ME1: variants seen among roughly 807,000 people sequenced by gnomAD.
The protein encoded by ME1 is malic enzyme 1, also known as NADP-dependent malic enzyme.
Under a neutral mutation model 66.4 loss-of-function variants are expected in ME1, and 74 were observed. The observed-to-expected ratio is 1.11, with a 90% CI of 0.92 to 1.35. ME1 has a LOEUF of 1.35. Ranked by LOEUF, ME1 falls within the 40% of genes most tolerant of loss-of-function variation. The probability of loss-of-function intolerance (pLI) is 0.00; values close to 1 mark genes in which losing one functional copy is unlikely to be tolerated. For missense variants in ME1, 750 were observed against 694.1 expected (o/e 1.08, Z -0.90); for synonymous variants, 251 against 235.6 (o/e 1.07, Z -0.60).
chr6:83,223,218 A>G (rs1790125453), intron 12 of ME1, among the ~76,000 whole-genome samples: 1 of 152,200 alleles, frequency 6.6e-6, no homozygotes, highest in South Asian at 2.1e-4. Context: ...CAGTAGTGCA[A>G]TCGCAGCTCA....
At chr6:83,334,222 C>A (rs1369344919) in intron 5 of ME1, among the ~76,000 whole-genome samples, 1 of 148,388 alleles carries the variant, frequency 6.7e-6, no homozygotes, top group African/African-American at 2.5e-5. Flanking sequence ...CCTGGAAAAT[C>A]GGGTCACTCC....
chr6:83,395,910 T>G (rs1769723134), intron 3 of ME1, among the ~76,000 whole-genome samples: 1 of 151,602 alleles, frequency 6.6e-6, no homozygotes, highest in Non-Finnish European at 1.5e-5. Context: ...AATATCATCA[T>G]ATACATAGAA....
chr6:83,328,404 G>GT (rs1438712179), intron 5 of ME1, among the ~76,000 whole-genome samples: 2 of 152,098 alleles, frequency 1.3e-5, no homozygotes, highest in East Asian at 3.9e-4. Context: ...CATGGCACAT[G>GT]TATACCTATG....
At chr6:83,412,689 A>C (rs755184600) in intron 1 of ME1, among the ~76,000 whole-genome samples, 7 of 152,192 alleles carry the variant, frequency 4.6e-5, no homozygotes, top group Non-Finnish European at 1.0e-4. Context: ...ATTGATACAC[A>C]AAACATAGAT....
intron 1 of ME1, among the ~76,000 whole-genome samples, chr6:83,413,914 A>G (rs1770101286): frequency 6.6e-6 from 1 of 152,078 alleles, no homozygotes; most frequent in African/African-American, 2.4e-5. Context: ...TGCAACACCA[A>G]CCTGGGAAAC....
At chr6:83,298,960 T>G (rs1487965088) in intron 6 of ME1, among the ~76,000 whole-genome samples, 33 of 105,972 alleles carry the variant, frequency 3.1e-4, no homozygotes, top group African/African-American at 1.0e-3. Context: ...TTTTTTTTTT[T>G]TTTTTTTTTT....
intron 13 of ME1, among the ~76,000 whole-genome samples, chr6:83,213,908 G>A (rs1308468549): frequency 6.6e-6 from 1 of 151,460 alleles, no homozygotes; most frequent in Non-Finnish European, 1.5e-5. Context: ...AACAAACACA[G>A]GAAAAAAAAT....
At chr6:83,355,121 T>G (rs1768864421) in intron 3 of ME1, among the ~76,000 whole-genome samples, 1 of 152,196 alleles carries the variant, frequency 6.6e-6, no homozygotes, top group Non-Finnish European at 1.5e-5. Context: ...TTCTTTTGGA[T>G]CCCTGTCATA....
intron 13 of ME1, among the ~76,000 whole-genome samples, chr6:83,215,011 T>TA (rs1162015762): frequency 1.3e-5 from 2 of 152,216 alleles, no homozygotes; most frequent in Non-Finnish European, 2.9e-5. Context: ...CTTAAAATGA[T>TA]AATATGCTAT....
chr6:83,427,887 C>T lies in ME1; in HGVS notation c.78+2990G>A, dbSNP rs190397421. On this transcript the variant is annotated intron_variant, in intron 1 of 13. Transcript: ENST00000369705. ...ATTAGCTGGGCATAGTGGCACATGC[C>T]TGTAATCTCAGCTACTCAGGAGGCT... 4.3e-4 allele frequency among the ~76,000 whole-genome samples: 66 copies of T among 152,092 alleles called. 1 individual carries two copies. The highest frequency in any genetic ancestry group is 1.5e-3 in the African/African-American group (62 of 41,484).
intron 5 of ME1, among the ~76,000 whole-genome samples, chr6:83,321,461 G>T (rs909687168): frequency 6.6e-6 from 1 of 152,148 alleles, no homozygotes; most frequent in African/African-American, 2.4e-5. Context: ...CGAGCTTGGT[G>T]TGGGGAGGGA....
chr6:83,409,496 C>A (rs1459758581), intron 1 of ME1, among the ~76,000 whole-genome samples: 1 of 152,192 alleles, frequency 6.6e-6, no homozygotes, highest in Non-Finnish European at 1.5e-5. Flanking sequence ...ATAAACACGT[C>A]CAAACCCAGG....
intron 1 of ME1, among the ~76,000 whole-genome samples, chr6:83,422,239 G>A (rs911774766): frequency 6.6e-6 from 1 of 152,148 alleles, no homozygotes; most frequent in Admixed American, 6.5e-5. Flanking sequence ...CCACTGGGCG[G>A]TACACATAAT....
At chr6:83,301,247 C>CTCTT (rs70987747) in intron 6 of ME1, among the ~76,000 whole-genome samples, 72,889 of 150,420 alleles carry the variant, frequency 0.48, 19,386 homozygotes, top group African/African-American at 0.72. Flanking sequence ...TGCTTCCTTT[C>CTCTT]TCTTTCTTTC....
chr6:83,310,754 C>G (rs1767914922), intron 6 of ME1, among the ~76,000 whole-genome samples: 1 of 152,018 alleles, frequency 6.6e-6, no homozygotes, highest in Non-Finnish European at 1.5e-5. Flanking sequence ...GGAAAAAAAA[C>G]ACAAAAAGCT....
At chr6:83,291,952 T>G (rs1266774015) in intron 6 of ME1, among the ~76,000 whole-genome samples, 1 of 152,090 alleles carries the variant, frequency 6.6e-6, no homozygotes, top group Non-Finnish European at 1.5e-5. Flanking sequence ...GTTCTTGTAG[T>G]GTGCTTTCCA....
At chr6:83,350,189 C>T (rs1267035143) in intron 4 of ME1, among the ~76,000 whole-genome samples, 4 of 152,024 alleles carry the variant, frequency 2.6e-5, no homozygotes, top group Non-Finnish European at 5.9e-5. Context: ...CAATAGCTGC[C>T]GTTTACTAAG....
At chr6:83,427,616 G>A (rs145738070) in intron 1 of ME1, among the ~76,000 whole-genome samples, 1 of 152,088 alleles carries the variant, frequency 6.6e-6, no homozygotes, top group Non-Finnish European at 1.5e-5. Flanking sequence ...TAAAGACATG[G>A]CTCATTCATT....
chr6:83,344,356 T>C (rs1768646929), intron 5 of ME1, among the ~76,000 whole-genome samples: 1 of 151,860 alleles, frequency 6.6e-6, no homozygotes, highest in Non-Finnish European at 1.5e-5. Context: ...ATATTCCTCC[T>C]CATTTCTCCA....
Sources: allele counts gnomAD v4.1 joint callset (sites outside exome capture counted in the v4.1 genomes callset), GRCh38; gene constraint gnomAD v4.1.1; transcripts MANE v1.5; gene names NCBI Gene and HGNC (gene_info 2026-07-23, HGNC 2026-07-21).